Variants in SOX5 observed in about 807,000 individuals in gnomAD.
SOX5 encodes SRY-box transcription factor 5.
Under a neutral mutation model 92.0 loss-of-function variants are expected in SOX5, and 9 were observed. The observed-to-expected ratio is 0.10, with a 90% CI of 0.06 to 0.17. The LOEUF (loss-of-function observed/expected upper bound fraction) is 0.17, where lower values mean the gene tolerates loss of function less well. SOX5 is among the 10% of genes least tolerant of loss of function. The pLI is 1.00. For synonymous variants in SOX5, 344 were observed against 336.3 expected (o/e 1.02, Z -0.25); for missense variants, 642 against 944.5 (o/e 0.68, Z 4.20).
At chr12:23,702,236 T>A (rs935936674) in intron 6 of SOX5, among the ~76,000 whole-genome samples, 1 of 152,094 alleles carries the variant, frequency 6.6e-6, no homozygotes, top group Non-Finnish European at 1.5e-5. Context: ...TAATTACAAC[T>A]AAGGTGAAGA....
At chr12:24,095,128 C>CACACACACACAG (rs1345578614) in intron 4 of SOX5, among the ~76,000 whole-genome samples, 124 of 90,218 alleles carry the variant, frequency 1.4e-3, no homozygotes, top group Non-Finnish European at 2.1e-3. Context: ...CACACACACA[C>CACACACACACAG]AGAGAGAGAG....
At chr12:23,595,917 T>C (rs991416075) in intron 9 of SOX5, among the ~76,000 whole-genome samples, 11 of 152,060 alleles carry the variant, frequency 7.2e-5, no homozygotes, top group Admixed American at 2.6e-4. Flanking sequence ...CCTAAATCCA[T>C]AACAATGAAG....
intron 1 of SOX5, among the ~76,000 whole-genome samples, chr12:24,537,905 C>G (rs1375487759): frequency 1.3e-5 from 2 of 152,158 alleles, no homozygotes; most frequent in Non-Finnish European, 2.9e-5. Context: ...CTGTTCAGTT[C>G]AAATTTAGAT....
chr12:24,309,401 C>T (rs532558329), intron 2 of SOX5, among the ~76,000 whole-genome samples: 98 of 152,234 alleles, frequency 6.4e-4, no homozygotes, highest in Admixed American at 1.6e-3. Flanking sequence ...ATGCTGTTTG[C>T]TGAGAAGTAA....
intron 1 of SOX5, among the ~76,000 whole-genome samples, chr12:23,930,768 G>A (rs1201248736): frequency 6.6e-6 from 1 of 151,676 alleles, no homozygotes; most frequent in Non-Finnish European, 1.5e-5. Flanking sequence ...CTTGCATATG[G>A]TAGAACCAGA....
chr12:24,236,418 T>C (rs1191553280), intron 3 of SOX5, among the ~76,000 whole-genome samples: 1 of 152,136 alleles, frequency 6.6e-6, no homozygotes, highest in African/African-American at 2.4e-5. Flanking sequence ...TTTGAGAAAC[T>C]GTGAAGATGA....
At chr12:24,349,173 A>G (rs575859841) in intron 2 of SOX5, among the ~76,000 whole-genome samples, 3 of 152,302 alleles carry the variant, frequency 2.0e-5, no homozygotes, top group African/African-American at 7.2e-5. Flanking sequence ...GCTTCTCAGC[A>G]TGGTTCATGT....
chr12:23,712,089 C>G (rs528429798), intron 6 of SOX5, among the ~76,000 whole-genome samples: 107 of 152,300 alleles, frequency 7.0e-4, no homozygotes, highest in Non-Finnish European at 1.3e-3. Flanking sequence ...GAGAATCGTG[C>G]TATTTTCACT....
chr12:23,616,743 T>A (rs1259623995), intron 8 of SOX5, among the ~76,000 whole-genome samples: 1 of 152,086 alleles, frequency 6.6e-6, no homozygotes, highest in Non-Finnish European at 1.5e-5. Flanking sequence ...GTTGGGTGTA[T>A]AAGGGTTTGA....
chr12:23,598,211 A>G (rs931882356), intron 9 of SOX5, among the ~76,000 whole-genome samples: 3 of 152,092 alleles, frequency 2.0e-5, no homozygotes, highest in Non-Finnish European at 4.4e-5. Context: ...CACCTCTAGA[A>G]ACTACCACTC....
intron 3 of SOX5, among the ~76,000 whole-genome samples, chr12:23,798,019 G>A (rs1208364592): frequency 6.6e-6 from 1 of 151,784 alleles, no homozygotes; most frequent in African/African-American, 2.4e-5. Flanking sequence ...ACTCCTTCAA[G>A]TCTTTTGTTC....
In SOX5 at chr12:23,681,765, T is replaced by C. The variant is rs1217382808; in HGVS notation, c.811-16201A>G. ...ACTGCTTCAGCACTTTTCAAAAGAA[T>C]CCAAATATGCATAACAAAGGCAAAA... On this transcript the variant is annotated intron_variant, in intron 6 of 14. Transcript: ENST00000451604. 2.6e-5 allele frequency among the ~76,000 whole-genome samples: 4 copies of C among 151,868 alleles called. No individual in the cohort carries two copies. In the East Asian group the frequency reaches 7.7e-4, roughly 29 times the overall value.
chr12:24,083,431 C>T (rs1943603221), intron 4 of SOX5, among the ~76,000 whole-genome samples: 1 of 152,066 alleles, frequency 6.6e-6, no homozygotes, highest in South Asian at 2.1e-4. Context: ...TGTACCAAGC[C>T]ATGCTACAGT....
At chr12:24,350,961 G>A (rs1009213347) in intron 2 of SOX5, among the ~76,000 whole-genome samples, 1 of 152,150 alleles carries the variant, frequency 6.6e-6, no homozygotes, top group Non-Finnish European at 1.5e-5. Context: ...AGAGGCTGAG[G>A]CATGAGAATT....
chr12:23,618,759 G>C (rs2076848968), intron 8 of SOX5, among the ~76,000 whole-genome samples: 1 of 152,084 alleles, frequency 6.6e-6, no homozygotes, highest in East Asian at 1.9e-4. Flanking sequence ...AAGTCCAAGT[G>C]GCCCTGAAAT....
intron 4 of SOX5, among the ~76,000 whole-genome samples, chr12:24,101,251 T>C (rs944879288): frequency 2.8e-4 from 43 of 152,278 alleles, no homozygotes; most frequent in African/African-American, 9.9e-4. Flanking sequence ...ACTCCAGCCA[T>C]ACTAGCTTCC....
At chr12:23,565,645 T>C (rs1319114759) in intron 10 of SOX5, among the ~76,000 whole-genome samples, 2 of 152,234 alleles carry the variant, frequency 1.3e-5, no homozygotes, top group African/African-American at 4.8e-5. Context: ...ACCTATGTTC[T>C]GTAATGGTTA....
At chr12:24,337,618 G>A (rs1216289312) in intron 2 of SOX5, among the ~76,000 whole-genome samples, 2 of 152,138 alleles carry the variant, frequency 1.3e-5, no homozygotes, top group Admixed American at 6.5e-5. Context: ...GGGATTACAA[G>A]CATGAGTCAC....
chr12:24,434,911 G>A (rs1482263564), intron 1 of SOX5, among the ~76,000 whole-genome samples: 1 of 152,136 alleles, frequency 6.6e-6, no homozygotes, highest in Non-Finnish European at 1.5e-5. Flanking sequence ...TGCAAGAATG[G>A]ACTAATACAG....
Sources: gnomAD v4.1 joint callset for allele counts (sites outside exome capture counted in the v4.1 genomes callset) on GRCh38, gnomAD v4.1.1 for gene constraint, MANE v1.5 for transcripts, NCBI Gene and HGNC (gene_info 2026-07-23, HGNC 2026-07-21) for gene names.